The following RABGAP1L variants were observed in gnomAD, a reference collection of about 807,000 sequenced individuals.
RABGAP1L encodes RAB GTPase activating protein 1 like.
Under a neutral mutation model 137.7 loss-of-function variants are expected in RABGAP1L, and 63 were observed. That is an observed-to-expected ratio of 0.46 (90% CI 0.37 to 0.56). The LOEUF is 0.56. Ranked by LOEUF, RABGAP1L falls within the 20% of genes least tolerant of loss-of-function variation. The probability of loss-of-function intolerance (pLI) is 0.00; values close to 1 mark genes in which losing one functional copy is unlikely to be tolerated. For synonymous variants in RABGAP1L, 431 were observed against 433.7 expected, an observed-to-expected ratio of 0.99 and a Z score of 0.08; for missense variants, 1,095 against 1,244.0, an observed-to-expected ratio of 0.88 and a Z score of 1.80.
At chr1:174,794,260 G>A (rs558910413) in intron 18 of RABGAP1L, among the ~76,000 whole-genome samples, 41 of 152,212 alleles carry the variant, frequency 2.7e-4, no homozygotes, top group Non-Finnish European at 3.4e-4. Context: ...GAACCGAAGA[G>A]GCAGGTGATC....
intron 8 of RABGAP1L, among the ~76,000 whole-genome samples, chr1:174,274,473 G>A (rs1004881512): frequency 3.9e-5 from 6 of 152,024 alleles, no homozygotes; most frequent in Middle Eastern, 3.2e-3. Flanking sequence ...TTGTAGCCTT[G>A]GAGCAACAGC....
intron 13 of RABGAP1L, among the ~76,000 whole-genome samples, chr1:174,438,437 G>A (rs1340083020): frequency 6.6e-6 from 1 of 151,976 alleles, no homozygotes; most frequent in East Asian, 1.9e-4. Context: ...AAAGCTAGTA[G>A]GCTGGGCGCA....
chr1:174,757,075 C>A, intron 18 of RABGAP1L: 1 of 519,378 alleles, frequency 1.9e-6, no homozygotes, highest in South Asian at 1.5e-5. Context: ...GCTTTTCCCC[C>A]ACGGACTCTG....
At position 174,816,147 on chromosome 1, in the gene RABGAP1L, C is replaced by CTTTTTT. The variant is rs67065448; in HGVS notation, c.2340+4204_2340+4209dup. 3.0e-3 allele frequency among the ~76,000 whole-genome samples: 260 copies of CTTTTTT among 86,170 alleles called. 9 individuals are homozygous for CTTTTTT. The highest frequency in any genetic ancestry group is 0.01 in the Middle Eastern group (1 of 100). The allele number at this position is 86,170 out of a possible 152,430, so 56.5% of individuals were successfully genotyped here. On this transcript the variant is annotated intron_variant, in intron 19 of 25. Coordinates refer to ENST00000681986, the MANE Select transcript of RABGAP1L (RefSeq NM_001366446.1). ...TTTTTCTTAGTAACATAATACATAG[C>CTTTTTT]TTTTTTTTTTTTTTTTTTTTTTGAG...
At chr1:174,327,994 T>TATATATATATATATATATATATATACAC (rs1680664649) in intron 11 of RABGAP1L, among the ~76,000 whole-genome samples, 2 of 77,394 alleles carry the variant, frequency 2.6e-5, no homozygotes, top group Non-Finnish European at 5.0e-5. Flanking sequence ...CACATATATA[T>TATATATATATATATATATATATATACAC]ATATATATAT....
chr1:174,911,408 G>A (rs141083568), intron 19 of RABGAP1L, among the ~76,000 whole-genome samples: 20 of 152,192 alleles, frequency 1.3e-4, no homozygotes, highest in Admixed American at 4.6e-4. Context: ...TGTGTGAATT[G>A]AATAACTTTG....
At chr1:174,984,531 A>G (rs542817938) in intron 24 of RABGAP1L, among the ~76,000 whole-genome samples, 1 of 152,304 alleles carries the variant, frequency 6.6e-6, no homozygotes, top group East Asian at 1.9e-4. Context: ...ACCTGAGGTC[A>G]GGCGTTCAAG....
chr1:174,395,658 G>A (rs1270616515), intron 13 of RABGAP1L, among the ~76,000 whole-genome samples: 1 of 151,998 alleles, frequency 6.6e-6, no homozygotes, highest in East Asian at 1.9e-4. Flanking sequence ...ATTGTTAAAA[G>A]CATATAAACA....
intron 13 of RABGAP1L, among the ~76,000 whole-genome samples, chr1:174,498,423 C>T (rs556981188): frequency 3.3e-4 from 50 of 152,222 alleles, no homozygotes; most frequent in Non-Finnish European, 6.5e-4. Context: ...TTTGAAAAAC[C>T]AGGTCTATTG....
intron 1 of RABGAP1L, among the ~76,000 whole-genome samples, chr1:174,213,128 T>C (rs944613373): frequency 6.6e-6 from 1 of 152,086 alleles, no homozygotes; most frequent in African/African-American, 2.4e-5. Context: ...TAATCAAATA[T>C]ATTCAAACTA....
chr1:174,297,402 G>A (rs753826017), intron 10 of RABGAP1L, among the ~76,000 whole-genome samples: 4 of 152,080 alleles, frequency 2.6e-5, no homozygotes, highest in Non-Finnish European at 4.4e-5. Context: ...AGCGCCTCCC[G>A]CCGGCTCTTC....
At chr1:174,160,591 TG>T (rs1441045445) in intron 1 of RABGAP1L, among the ~76,000 whole-genome samples, 1 of 152,202 alleles carries the variant, frequency 6.6e-6, no homozygotes, top group Non-Finnish European at 1.5e-5. Context: ...ATTACACTAA[TG>T]GTAAGGAGAA....
chr1:174,805,104 A>T (rs1009906752), intron 18 of RABGAP1L, among the ~76,000 whole-genome samples: 1 of 152,214 alleles, frequency 6.6e-6, no homozygotes, highest in Non-Finnish European at 1.5e-5. Context: ...CATTGTATAC[A>T]TCTTAACTTT....
At chr1:174,229,018 GTT>G (rs34335797) in intron 3 of RABGAP1L, among the ~76,000 whole-genome samples, 6 of 148,318 alleles carry the variant, frequency 4.0e-5, no homozygotes, top group South Asian at 2.1e-4. Context: ...AAAATGAACA[GTT>G]TTTTTTTTTT....
At chr1:174,631,833 C>T (rs1572603938) in intron 13 of RABGAP1L, among the ~76,000 whole-genome samples, 1 of 151,310 alleles carries the variant, frequency 6.6e-6, no homozygotes, top group East Asian at 2.0e-4. Flanking sequence ...CTGATGGGTC[C>T]TGACTCTTTA....
intron 13 of RABGAP1L, among the ~76,000 whole-genome samples, chr1:174,508,648 T>C (rs893595916): frequency 8.5e-5 from 13 of 152,192 alleles, no homozygotes; most frequent in African/African-American, 2.7e-4. Context: ...GAAATTGTTA[T>C]AGCATAATTC....
intron 11 of RABGAP1L, among the ~76,000 whole-genome samples, chr1:174,340,516 A>C (rs2148890498): frequency 6.6e-6 from 1 of 152,296 alleles, no homozygotes; most frequent in East Asian, 1.9e-4. Context: ...TTATGAGAAT[A>C]TGCAGTGTTT....
chr1:174,429,567 C>T (rs769063294), intron 13 of RABGAP1L, among the ~76,000 whole-genome samples: 2 of 151,894 alleles, frequency 1.3e-5, no homozygotes, highest in Admixed American at 6.6e-5. Context: ...GGTGAAACCC[C>T]GTCTCTACTA....
chr1:174,723,314 A>G (rs1681730286), intron 17 of RABGAP1L, among the ~76,000 whole-genome samples: 1 of 152,142 alleles, frequency 6.6e-6, no homozygotes, highest in Non-Finnish European at 1.5e-5. Flanking sequence ...ACTTCAGGTG[A>G]TCCACCCACC....
Sources: allele counts gnomAD v4.1 joint callset (sites outside exome capture counted in the v4.1 genomes callset), GRCh38; gene constraint gnomAD v4.1.1; transcripts MANE v1.5; gene names NCBI Gene and HGNC (gene_info 2026-07-23, HGNC 2026-07-21).